ZDHHC21: variants seen among roughly 807,000 people sequenced by gnomAD.
ZDHHC21 encodes zDHHC palmitoyltransferase 21.
In ZDHHC21, 15 loss-of-function variants were observed where a neutral mutation model predicts 34.6. The observed-to-expected ratio is 0.43, with a 90% CI of 0.29 to 0.67. ZDHHC21 has a LOEUF of 0.67. ZDHHC21 is among the 30% of genes least tolerant of loss of function. The pLI, the probability that ZDHHC21 is intolerant of heterozygous loss-of-function variation, is 0.14. For missense variants in ZDHHC21, 344 were observed against 327.7 expected, an observed-to-expected ratio of 1.05 and a Z score of -0.38; for synonymous variants, 142 against 101.8, an observed-to-expected ratio of 1.40 and a Z score of -2.38.
At chr9:14,591,278 G>C in the ZDHHC21 span, among the ~76,000 whole-genome samples, 1 of 152,064 alleles carries the variant, frequency 6.6e-6, no homozygotes, top group East Asian at 1.9e-4. Context: ...TAAGAGGCGT[G>C]ACCTTTAGGA....
Position 14,672,912 on chromosome 9 carries a change from G to A in ZDHHC21, c.171C>T (p.Ser57=), listed in dbSNP as rs1411572896. 1 of 1,597,270 alleles carries A rather than the reference G, an allele frequency of 6.3e-7. No homozygotes were observed. Among genetic ancestry groups the A allele is most frequent in the Non-Finnish European group, 8.6e-7 (1 of 1,169,142 alleles). Residue 57 remains serine (S), a synonymous_variant, in exon 5 of 10, where the codon TCC becomes TCT. Transcript: ENST00000380916. The stretch of plus-strand genomic sequence containing the variant: ...TCACTAAGGCAACCAGACAGAATAT[G>A]GAAATGCCATAGAATACTTTAAAAT... ...GILIIIFYGI[S]IFCLVALVRA...
At chr9:14,648,018 C>CT (rs1215977860) in intron 7 of ZDHHC21, among the ~76,000 whole-genome samples, 1 of 152,038 alleles carries the variant, frequency 6.6e-6, no homozygotes, top group Non-Finnish European at 1.5e-5. Flanking sequence ...AAACCCAAAT[C>CT]TTTAACTTCT....
rs1178246582 is a variant in ZDHHC21, at chr9:14,687,205, C to A, written c.-176+3132G>T. On this transcript the variant is annotated intron_variant, in intron 2 of 9. Coordinates refer to ENST00000380916, the MANE Select transcript of ZDHHC21 (RefSeq NM_178566.6). Reference sequence around the variant, plus strand: ...AGTAGGTTATAGCACAGGCCAATCACCCATGAGTCAAATCCCAGTCACTTG... The same window carrying A: ...AGTAGGTTATAGCACAGGCCAATCAACCATGAGTCAAATCCCAGTCACTTG... Among the ~76,000 whole-genome samples, 2 of 150,686 alleles carry A rather than the reference C, an allele frequency of 1.3e-5. 1 individual carries two copies. Among genetic ancestry groups the A allele is most frequent in the African/African-American group, 5.0e-5 (2 of 40,002 alleles).
intron 5 of ZDHHC21, among the ~76,000 whole-genome samples, chr9:14,664,702 G>A (rs937211702): frequency 5.3e-5 from 8 of 151,924 alleles, no homozygotes; most frequent in African/African-American, 9.7e-5. Context: ...TGACCCCCAA[G>A]CAGCCTAACT....
At chr9:14,619,835 T>C (rs1390086259) in intron 8 of ZDHHC21, among the ~76,000 whole-genome samples, 153 bp from the exon 9 acceptor site, 2 of 151,730 alleles carry the variant, frequency 1.3e-5, no homozygotes, top group Non-Finnish European at 2.9e-5. Flanking sequence ...TTATCTTTCA[T>C]ACATTGCTGG....
intron 7 of ZDHHC21, 66 bp from the exon 8 acceptor site, chr9:14,640,078 T>A: frequency 1.2e-6 from 1 of 820,970 alleles, no homozygotes; most frequent in Non-Finnish European, 1.9e-6. Context: ...GTCGCAATAA[T>A]AATCAAGAAT....
chr9:14,639,491 G>C (rs1300762097), intron 8 of ZDHHC21, among the ~76,000 whole-genome samples: 1 of 152,010 alleles, frequency 6.6e-6, no homozygotes, highest in African/African-American at 2.4e-5. Context: ...AAAGTAACTA[G>C]CACAGAGGAC....
rs1339490756 is a variant in ZDHHC21 at position 14,615,812 on chromosome 9, T to C, written c.*3154A>G. 6.6e-6 allele frequency: 1 copy of C among 151,764 alleles called. No homozygotes were observed. Among genetic ancestry groups the C allele is most frequent in the Non-Finnish European group, 1.5e-5 (1 of 67,750 alleles). The allele number at this position is 151,764 out of a possible 1,614,324, so 9.4% of individuals were successfully genotyped here. ...TTTCCAGAAGGTCGACAAATGACTT[T>C]ACTGATGTAAAAACATGCTTTAACA... On this transcript the variant is annotated 3_prime_UTR_variant, in exon 10 of 10. Coordinates refer to ENST00000380916, the MANE Select transcript of ZDHHC21 (RefSeq NM_178566.6).
chr9:14,674,914 T>G (rs1836099537), intron 3 of ZDHHC21, among the ~76,000 whole-genome samples: 1 of 152,040 alleles, frequency 6.6e-6, no homozygotes, highest in Non-Finnish European at 1.5e-5. Flanking sequence ...TGGGTGGTAC[T>G]TTATGTGTAT....
chr9:14,692,843 G>A (rs1587535677), intron 1 of ZDHHC21, among the ~76,000 whole-genome samples: 1 of 152,090 alleles, frequency 6.6e-6, no homozygotes, highest in Admixed American at 6.5e-5. Flanking sequence ...TCTCCAGACG[G>A]GGGTGCGGGG....
intron 7 of ZDHHC21, among the ~76,000 whole-genome samples, chr9:14,657,270 G>C (rs1228891327): frequency 1.3e-5 from 2 of 151,966 alleles, no homozygotes; most frequent in Non-Finnish European, 2.9e-5. Flanking sequence ...CTCCCTCTGA[G>C]AGTTTTCACT....
At chr9:14,598,730 T>G in the ZDHHC21 span, among the ~76,000 whole-genome samples, 1 of 151,956 alleles carries the variant, frequency 6.6e-6, no homozygotes, top group Non-Finnish European at 1.5e-5. Flanking sequence ...AGAAATATAT[T>G]TTTTATTATT....
At chr9:14,610,442 C>A (rs1823166579), downstream of ZDHHC21, among the ~76,000 whole-genome samples, 1 of 151,936 alleles carries the variant, frequency 6.6e-6, no homozygotes, top group African/African-American at 2.4e-5. Context: ...ATTTGCAAAT[C>A]TATCAAATAA....
chr9:14,620,184 C>G (rs1303860888), intron 8 of ZDHHC21, among the ~76,000 whole-genome samples: 1 of 151,976 alleles, frequency 6.6e-6, no homozygotes, highest in African/African-American at 2.4e-5. Context: ...ATCTATTATT[C>G]TGAAAACTAA....
downstream of ZDHHC21, among the ~76,000 whole-genome samples, chr9:14,609,465 A>G (rs1286604768): frequency 6.6e-6 from 1 of 152,120 alleles, no homozygotes; most frequent in African/African-American, 2.4e-5. Context: ...CTTCAAGGAC[A>G]ACTACTGACA....
intron 8 of ZDHHC21, among the ~76,000 whole-genome samples, chr9:14,636,338 A>C (rs557752983): frequency 6.6e-6 from 1 of 152,296 alleles, no homozygotes; most frequent in Admixed American, 6.5e-5. Flanking sequence ...CCATTATATG[A>C]GATCAATTCA....
Position 14,690,324 on chromosome 9 carries a change from A to AAT in ZDHHC21, c.-176+11_-176+12dup, listed in dbSNP as rs1838982221. The AAT allele has an allele frequency of 2.2e-6, 1 of 455,210 alleles. No individual in the cohort carries two copies. The highest frequency in any genetic ancestry group is 2.4e-5 in the Admixed American group (1 of 42,244). 28.2% of individuals were successfully genotyped at this position (455,210 alleles called of 1,614,324 possible). ...TTAAGAACACTAACACCATAAGAAA[A>AAT]ATCTCTCCTCACCTGCTTGCTGAAG... On this transcript the variant is annotated intron_variant, in intron 2 of 9. Transcript: ENST00000380916.
chr9:14,609,286 A>G (rs960773444), downstream of ZDHHC21, among the ~76,000 whole-genome samples: 7 of 152,156 alleles, frequency 4.6e-5, no homozygotes, highest in African/African-American at 1.7e-4. Flanking sequence ...ATTTAATTGT[A>G]TTATTACTAA....
chr9:14,685,569 GA>G (rs1260425201), intron 2 of ZDHHC21, among the ~76,000 whole-genome samples: 3 of 152,318 alleles, frequency 2.0e-5, no homozygotes, highest in Admixed American at 1.3e-4. Flanking sequence ...TGCTGGAGAG[GA>G]TATGAAGAAA....
Sources: gnomAD v4.1 joint callset for allele counts (sites outside exome capture counted in the v4.1 genomes callset) on GRCh38, gnomAD v4.1.1 for gene constraint, MANE v1.5 for transcripts, NCBI Gene and HGNC (gene_info 2026-07-23, HGNC 2026-07-21) for gene names.